ZNF148: variants seen among roughly 807,000 people sequenced by gnomAD.
ZNF148 encodes the protein Beta-Enolase Repressor Factor-1.
Under a neutral mutation model 67.7 loss-of-function variants are expected in ZNF148, and 7 were observed. The ratio of observed to expected loss-of-function variants is 0.10; its 90% CI spans 0.06 to 0.19. The LOEUF is 0.19. ZNF148 is among the 10% of genes least tolerant of loss of function. The pLI is 1.00. For missense variants in ZNF148, 583 were observed against 947.1 expected (o/e 0.62, Z 5.05); for synonymous variants, 333 against 330.7 (o/e 1.01, Z -0.08).
intron 4 of ZNF148, chr3:125,310,742 C>T (rs1257155854): frequency 2.0e-5 from 3 of 152,152 alleles, no homozygotes; most frequent in Non-Finnish European, 4.4e-5. Context: ...CAGAGTTGTT[C>T]GAACATGAGT....
chr3:125,256,371 A>C (rs1196016979), intron 7 of ZNF148, among the ~76,000 whole-genome samples: 10 of 9,294 alleles, frequency 1.1e-3, no homozygotes, highest in African/African-American at 4.9e-3. Context: ...CCATTTCCCA[A>C]AAAAAAAAAA....
chr3:125,273,748 G>T (rs999411602), intron 7 of ZNF148, among the ~76,000 whole-genome samples: 9 of 152,062 alleles, frequency 5.9e-5, no homozygotes, highest in Admixed American at 5.9e-4. Context: ...CCAAAGTGCT[G>T]GGATTACAGC....
At chr3:125,284,333 A>G (rs1938544901) in intron 5 of ZNF148, among the ~76,000 whole-genome samples, 1 of 152,180 alleles carries the variant, frequency 6.6e-6, no homozygotes, top group Non-Finnish European at 1.5e-5. Flanking sequence ...TGAAGTTTTC[A>G]AGCTTAAGAG....
At chr3:125,316,545 G>A (rs1940502609) in intron 3 of ZNF148, among the ~76,000 whole-genome samples, 1 of 152,128 alleles carries the variant, frequency 6.6e-6, no homozygotes, top group Admixed American at 6.5e-5. Flanking sequence ...CATTTTAACT[G>A]GAGTGAGATG....
intron 2 of ZNF148, among the ~76,000 whole-genome samples, chr3:125,330,032 T>G (rs1270429219): frequency 1.3e-5 from 2 of 152,296 alleles, no homozygotes; most frequent in East Asian, 3.9e-4. Context: ...ATTGCCTAAG[T>G]GTATACACCT....
intron 1 of ZNF148, among the ~76,000 whole-genome samples, chr3:125,351,541 A>G (rs999171818): frequency 6.6e-6 from 1 of 152,190 alleles, no homozygotes; most frequent in African/African-American, 2.4e-5. Context: ...GATAGGTCTC[A>G]TATTATGTAT....
At chr3:125,334,873 T>C (rs1247396559) in intron 1 of ZNF148, among the ~76,000 whole-genome samples, 1 of 152,160 alleles carries the variant, frequency 6.6e-6, no homozygotes, top group Non-Finnish European at 1.5e-5. Context: ...CCAGCAGCAG[T>C]GACCTGACCT....
At chr3:125,247,731 G>C (rs1936662754) in intron 7 of ZNF148, among the ~76,000 whole-genome samples, 1 of 152,156 alleles carries the variant, frequency 6.6e-6, no homozygotes, top group Non-Finnish European at 1.5e-5. Context: ...GAGCCACCAT[G>C]ACTGGCTGAG....
At position 125,259,585 on chromosome 3, in the gene ZNF148, T is replaced by C. The variant is rs187925880; in HGVS notation, c.667+18141A>G. ...CAGTGCATGTAAAACATGTAAAAGT[T>C]ATGTTTACATTATACTATAGCCTAT... is the stretch of plus-strand genomic sequence containing the variant. On this transcript the variant is annotated intron_variant, in intron 7 of 8. Coordinates refer to ENST00000360647, the MANE Select transcript of ZNF148 (RefSeq NM_021964.3). 2.0e-3 allele frequency among the ~76,000 whole-genome samples: 306 copies of C among 152,316 alleles called. 1 individual carries two copies. Among genetic ancestry groups the C allele is most frequent in the Admixed American group, 0.018 (281 of 15,290 alleles).
At chr3:125,323,475 A>G (rs556540176) in intron 2 of ZNF148, 31 bp from the exon 3 acceptor site, 2 of 654,540 alleles carry the variant, frequency 3.1e-6, no homozygotes, top group Non-Finnish European at 5.4e-6. Flanking sequence ...AACAAACATT[A>G]TTTATGGTAG....
chr3:125,371,675 A>G (rs1287051844), intron 1 of ZNF148, among the ~76,000 whole-genome samples: 5 of 151,518 alleles, frequency 3.3e-5, no homozygotes, highest in Non-Finnish European at 7.4e-5. Flanking sequence ...AAAAAAAAAA[A>G]AGAATTGCCA....
intron 3 of ZNF148, among the ~76,000 whole-genome samples, chr3:125,313,949 G>A (rs778920942): frequency 1.5e-4 from 23 of 151,712 alleles, no homozygotes; most frequent in Non-Finnish European, 3.1e-4. Context: ...ATCAGTCAAG[G>A]GATCCATATT....
chr3:125,309,563 T>A (rs527747773), intron 4 of ZNF148, among the ~76,000 whole-genome samples: 1 of 151,660 alleles, frequency 6.6e-6, no homozygotes, highest in Admixed American at 6.6e-5. Flanking sequence ...GCTTAAAGCA[T>A]AAAATGGTGG....
intron 7 of ZNF148, among the ~76,000 whole-genome samples, chr3:125,241,618 T>C (rs763068494): frequency 1.3e-5 from 2 of 152,230 alleles, no homozygotes; most frequent in East Asian, 3.8e-4. Flanking sequence ...TGACAGCGGA[T>C]GTTATTTATT....
chr3:125,328,671 C>T (rs558540594), intron 2 of ZNF148, among the ~76,000 whole-genome samples: 2 of 151,908 alleles, frequency 1.3e-5, no homozygotes, highest in East Asian at 3.9e-4. Flanking sequence ...CAAGAGGCTC[C>T]TTTCCTTAAT....
chr3:125,268,676 GCAA>G (rs1327088438), intron 7 of ZNF148, among the ~76,000 whole-genome samples: 1 of 152,110 alleles, frequency 6.6e-6, no homozygotes, highest in Non-Finnish European at 1.5e-5. Context: ...TCCCGCAATT[GCAA>G]CAACAATGAA....
Position 125,232,310 on chromosome 3 carries a change from T to G in ZNF148, c.*31A>C. 2 of 1,567,064 alleles carry G rather than the reference T, an allele frequency of 1.3e-6. No homozygotes were observed. Among genetic ancestry groups the G allele is most frequent in the Non-Finnish European group, 1.7e-6 (2 of 1,160,548 alleles). On this transcript the variant is annotated 3_prime_UTR_variant, in exon 9 of 9. Coordinates refer to ENST00000360647, the MANE Select transcript of ZNF148 (RefSeq NM_021964.3). This position sits in a 1 kb window ranked among gnomAD's most constrained non-coding sequence, Gnocchi z 4.2. ...CACTCTTGATTAATCTGTTCTAAAG[T>G]GCCAGTATTATTTACACTTTTTTTT...
At chr3:125,273,288 G>T (rs1259097777) in intron 7 of ZNF148, among the ~76,000 whole-genome samples, 1 of 152,046 alleles carries the variant, frequency 6.6e-6, no homozygotes, top group Non-Finnish European at 1.5e-5. Flanking sequence ...TCATAGTAAA[G>T]AGAAAAAGAG....
chr3:125,261,916 C>CA (rs770783030), intron 7 of ZNF148, among the ~76,000 whole-genome samples: 1 of 143,634 alleles, frequency 7.0e-6, no homozygotes, highest in Non-Finnish European at 1.5e-5. Context: ...ATACTGTATA[C>CA]AAACTCATAT....
Sources: allele counts gnomAD v4.1 joint callset (sites outside exome capture counted in the v4.1 genomes callset), GRCh38; gene constraint gnomAD v4.1.1; non-coding constraint Gnocchi (gnomAD v3.1); transcripts MANE v1.5; gene names NCBI Gene and HGNC (gene_info 2026-07-23, HGNC 2026-07-21).